C3orf22: variants seen among roughly 807,000 people sequenced by gnomAD.
C3orf22 encodes uncharacterized protein C3orf22.
A neutral mutation model predicts 10.8 loss-of-function variants in C3orf22; 7 were observed. The ratio of observed to expected loss-of-function variants is 0.65; its 90% CI spans 0.37 to 1.22. C3orf22 has a LOEUF of 1.22. Among genes scored for constraint, C3orf22 ranks in the 50% most tolerant of loss-of-function variants. The pLI is 0.02. For synonymous variants in C3orf22, 79 were observed against 78.9 expected (o/e 1.00, Z 0.00); for missense variants, 173 against 177.0 (o/e 0.98, Z 0.13).
chr3:126,548,355 G>C (rs1484565932), downstream of C3orf22, among the ~76,000 whole-genome samples: 1 of 152,216 alleles, frequency 6.6e-6, no homozygotes, highest in Non-Finnish European at 1.5e-5. Context: ...CAGGGTACGA[G>C]GGACTCAGGG....
chr3:126,540,451 C>T (rs1377274762), intron 4 of C3orf22, among the ~76,000 whole-genome samples: 2 of 152,208 alleles, frequency 1.3e-5, no homozygotes, highest in African/African-American at 4.8e-5. Flanking sequence ...CTGGATGTGA[C>T]TGCTCTAGGG....
chr3:126,558,489 G>A (rs1937405804), intron 1 of C3orf22, 138 bp downstream of exon 1: 1 of 152,352 alleles, frequency 6.6e-6, no homozygotes, highest in Non-Finnish European at 1.5e-5. Context: ...CAGGGACAGG[G>A]CTGCTGCAGA....
chr3:126,550,142 C>G, intron 3 of C3orf22, 64 bp from the exon 4 acceptor site: 2 of 1,580,184 alleles, frequency 1.3e-6, no homozygotes, highest in African/African-American at 2.7e-5. Context: ...GCCATTGCAG[C>G]CCAGAGAAGT....
intron 4 of C3orf22, among the ~76,000 whole-genome samples, chr3:126,531,072 T>G (rs1387159889): frequency 6.6e-6 from 1 of 152,236 alleles, no homozygotes; most frequent in Non-Finnish European, 1.5e-5. Context: ...TCCACGAACC[T>G]CTGTTTATTC....
intron 2 of C3orf22, among the ~76,000 whole-genome samples, chr3:126,552,712 T>TG (rs907369362): frequency 2.0e-5 from 3 of 151,802 alleles, no homozygotes; most frequent in Non-Finnish European, 4.4e-5. Flanking sequence ...GCTTCTGGGG[T>TG]GGGGGGTGAG....
At chr3:126,539,512 CCA>C (rs1412607734) in intron 4 of C3orf22, among the ~76,000 whole-genome samples, 1 of 145,462 alleles carries the variant, frequency 6.9e-6, no homozygotes, top group Admixed American at 6.8e-5. Context: ...CACACACACC[CCA>C]CACACCCCAC....
chr3:126,543,250 G>T (rs529446361), intron 4 of C3orf22: 3 of 152,396 alleles, frequency 2.0e-5, no homozygotes, highest in Non-Finnish European at 4.4e-5. Context: ...GGTGAGCTGG[G>T]CGGTCATGGT....
At chr3:126,555,317 G>A (rs1192079888) in intron 1 of C3orf22, among the ~76,000 whole-genome samples, 1 of 152,242 alleles carries the variant, frequency 6.6e-6, no homozygotes, top group Admixed American at 6.5e-5. Flanking sequence ...ATGACACTGA[G>A]GAGGCATCAC....
At chr3:126,541,971 C>A in intron 4 of C3orf22, 3 of 1,578,306 alleles carry the variant, frequency 1.9e-6, no homozygotes, top group South Asian at 2.3e-5. Flanking sequence ...GCCATCTCCG[C>A]GCAAGAGGCG....
intron 1 of C3orf22, among the ~76,000 whole-genome samples, chr3:126,554,473 A>C (rs1335084694): frequency 1.3e-5 from 2 of 152,126 alleles, no homozygotes; most frequent in African/African-American, 4.8e-5. Context: ...CATGTTGGCC[A>C]GGCTGGTCTC....
At chr3:126,551,094 G>A (rs1435553214) in intron 3 of C3orf22, among the ~76,000 whole-genome samples, 1 of 152,244 alleles carries the variant, frequency 6.6e-6, no homozygotes, top group Non-Finnish European at 1.5e-5. Context: ...TGTGCTGGAT[G>A]TGCATGTAAG....
At chr3:126,535,156 G>A (rs779340723) in intron 4 of C3orf22, among the ~76,000 whole-genome samples, 41 of 116,452 alleles carry the variant, frequency 3.5e-4, no homozygotes, top group Middle Eastern at 4.9e-3. Context: ...GTCCCCAGCC[G>A]GGAGACAGAC....
chr3:126,549,642 G>A (rs986680501), downstream of C3orf22: 4 of 1,498,994 alleles, frequency 2.7e-6, no homozygotes, highest in Non-Finnish European at 3.6e-6. Context: ...CAATTTTAGA[G>A]ATGAGAAAAT....
At chr3:126,539,286 T>A (rs887350800) in intron 4 of C3orf22, among the ~76,000 whole-genome samples, 6 of 152,144 alleles carry the variant, frequency 3.9e-5, no homozygotes, top group Admixed American at 1.3e-4. Flanking sequence ...CCACCCTTTG[T>A]GAAACGTTTT....
chr3:126,529,615 G>A (rs1452016753), intron 4 of C3orf22, among the ~76,000 whole-genome samples: 3 of 152,018 alleles, frequency 2.0e-5, no homozygotes, highest in Non-Finnish European at 2.9e-5. Context: ...CTAAGCACCC[G>A]GCACTGTGCT....
At chr3:126,550,869 G>T (rs1937165940) in intron 3 of C3orf22, among the ~76,000 whole-genome samples, 1 of 152,222 alleles carries the variant, frequency 6.6e-6, no homozygotes, top group Admixed American at 6.5e-5. Flanking sequence ...TCAGCCCCAG[G>T]CCTCTGCTCT....
chr3:126,539,486 CATAT>C (rs1283451303), intron 4 of C3orf22, among the ~76,000 whole-genome samples: 8 of 146,706 alleles, frequency 5.5e-5, no homozygotes, highest in African/African-American at 7.6e-5. Flanking sequence ...CACACACACA[CATAT>C]GTACCCCACA....
chr3:126,554,841 T>G (rs1035062141), intron 1 of C3orf22, among the ~76,000 whole-genome samples: 1 of 152,146 alleles, frequency 6.6e-6, no homozygotes, highest in African/African-American at 2.4e-5. Flanking sequence ...TGGGGCTGAT[T>G]CCTGGTCTGG....
At chr3:126,536,127 C>G in intron 4 of C3orf22, 1 of 641,912 alleles carries the variant, frequency 1.6e-6, no homozygotes, top group Non-Finnish European at 2.8e-6. Flanking sequence ...CCCACTCCAC[C>G]AAGCCCCTAG....
Sources: allele counts gnomAD v4.1 joint callset (sites outside exome capture counted in the v4.1 genomes callset), GRCh38; gene constraint gnomAD v4.1.1; transcripts MANE v1.5; gene names NCBI Gene and HGNC (gene_info 2026-07-23, HGNC 2026-07-21).